CASKIN1: variants seen among roughly 807,000 people sequenced by gnomAD.
CASKIN1 encodes CASK interacting protein 1.
CASKIN1 carries 42 observed loss-of-function variants against 117.5 expected under a neutral mutation model. The observed-to-expected ratio is 0.36, with a 90% CI of 0.28 to 0.46. CASKIN1 has a LOEUF of 0.46. CASKIN1 is among the 20% of genes least tolerant of loss of function. The pLI, the probability that CASKIN1 is intolerant of heterozygous loss-of-function variation, is 1.00. For missense variants in CASKIN1, 2,083 were observed against 2,077.3 expected (o/e 1.00, Z -0.05); for synonymous variants, 1,148 against 961.7 (o/e 1.19, Z -3.59).
rs780225251 is a variant in CASKIN1 at position 2,180,653 on chromosome 16, G to C, written c.2715C>G (p.Gly905=). The C allele has an allele frequency of 4.6e-6, 7 of 1,529,250 alleles. No individual in the cohort carries two copies. Among genetic ancestry groups the C allele is most frequent in the Non-Finnish European group, 6.1e-6 (7 of 1,143,624 alleles). The allele number at this position is 1,529,250 out of a possible 1,614,324, so 94.7% of individuals were successfully genotyped here. A position where few individuals can be genotyped will look rare whatever the true frequency, so the allele number is the denominator to read the frequency against. The part of the protein sequence containing the change: ...RDELLVPAAA[G]PYATVQRRVG... ...CGCGCCGCTGGACCGTGGCATAGGG[G>C]CCGGCAGCCGCAGGCACCAGCAGCT... Residue 905 remains glycine, a synonymous_variant, in exon 18 of 20, where the codon GGC becomes GGG. Coordinates refer to ENST00000343516, the MANE Select transcript of CASKIN1 (RefSeq NM_020764.4).
intron 10 of CASKIN1, among the ~76,000 whole-genome samples, chr16:2,185,614 C>A (rs1030548131): frequency 3.9e-5 from 6 of 152,262 alleles, no homozygotes; most frequent in African/African-American, 1.4e-4. Flanking sequence ...GCCTAGGCAT[C>A]CTGCCGGTGG....
At position 2,177,192 on chromosome 16, in the gene CASKIN1, T is replaced by G; in HGVS notation, c.*1358A>C. 8.1e-6 allele frequency: 2 copies of G among 246,240 alleles called. No individual in the cohort carries two copies. The highest frequency in any genetic ancestry group is 1.6e-5 in the Non-Finnish European group (2 of 124,276). 15.3% of individuals were successfully genotyped at this position (246,240 alleles called of 1,614,324 possible). A position where few individuals can be genotyped will look rare whatever the true frequency, so the allele number is the denominator to read the frequency against. On this transcript the variant is annotated 3_prime_UTR_variant, in exon 20 of 20. Coordinates refer to ENST00000343516, the MANE Select transcript of CASKIN1 (RefSeq NM_020764.4). The stretch of plus-strand genomic sequence containing the variant: ...TGAGCCAGGCACCTCTGTTTCCTGC[T>G]GTTTATTGACAGCCGACGGCAGCGC...
Position 2,178,598 on chromosome 16 carries a change from G to T in CASKIN1, c.4248C>A (p.Gly1416=), listed in dbSNP as rs755958401. 41 of 1,597,990 alleles carry T rather than the reference G, an allele frequency of 2.6e-5. No homozygotes were observed. The highest frequency in any genetic ancestry group is 3.3e-5 in the Non-Finnish European group (39 of 1,176,412). Residue 1416 remains glycine (G), a synonymous_variant, in exon 20 of 20, where the codon GGC becomes GGA. Transcript: ENST00000343516. ...KSTGSILDDI[G]SMFDDLADQL... ...GGTCGGCCAGGTCGTCGAACATGCT[G>T]CCGATGTCGTCCAGGATGCTGCCAG...
rs1242883030 is a variant in CASKIN1, at chr16:2,180,768, G to C, written c.2600C>G (p.Pro867Arg). ...PTAVPTLCLP[P>R]EADAEPGRPK... is the part of the protein sequence containing the mutation. ...CCGCCCCGGCTCCGCGTCGGCCTCAGGGGGCAGGCACAGTGTGGGCACAGC... is the reference window on the plus strand; with the variant it reads ...CCGCCCCGGCTCCGCGTCGGCCTCACGGGGCAGGCACAGTGTGGGCACAGC... The change falls in exon 18 of 20, where the codon CCT becomes CGT. Residue 867 changes from proline to arginine, a missense_variant. Physicochemically the swap from Pro to Arg is moderately radical, Grantham distance 103. Transcript: ENST00000343516. 3 of 1,434,088 alleles carry C rather than the reference G, an allele frequency of 2.1e-6. No individual in the cohort carries two copies. Among genetic ancestry groups the C allele is most frequent in the South Asian group, 1.5e-5 (1 of 67,780 alleles). 88.8% of individuals were successfully genotyped at this position (1,434,088 alleles called of 1,614,324 possible). A position where few individuals can be genotyped will look rare whatever the true frequency, so the allele number is the denominator to read the frequency against.
chr16:2,189,610 CA>C, intron 3 of CASKIN1, 46 bp from the exon 4 acceptor site: 3 of 1,550,164 alleles, frequency 1.9e-6, no homozygotes, highest in Middle Eastern at 2.2e-4. Flanking sequence ...ACCCCAAACC[CA>C]ACCCTGGAGG....
At position 2,185,387 on chromosome 16, in the gene CASKIN1, G is replaced by C. The variant is rs777408939; in HGVS notation, c.1070C>G (p.Pro357Arg). The change falls in exon 11 of 20, where the codon CCA becomes CGA. Residue 357 changes from proline (P) to arginine (R), a missense_variant. Pro to Arg is a moderately radical substitution (Grantham distance 103). Transcript: ENST00000343516. ...KRAGSRAGTE[P>R]SLPQGSSSSG... The stretch of plus-strand genomic sequence containing the variant: ...TGAGCTGCTTCCCTGGGGCAGGCTT[G>C]GTTCAGTGCCTGCTCGGGAACCTGT... 2 of 1,610,472 alleles carry C rather than the reference G, an allele frequency of 1.2e-6. No individual in the cohort carries two copies. Among genetic ancestry groups the C allele is most frequent in the African/African-American group, 1.3e-5 (1 of 74,906 alleles).
rs755146964 is a variant in CASKIN1 at position 2,184,984 on chromosome 16, C to T, written c.1291G>A (p.Asp431Asn). ...QKSVSESGPG[D>N]SPAKPPEGSA... ...CCTTCCGGAGGCTTGGCGGGGCTGT[C>T]CCCCGGGCCGGACTCAGAGACGGAC... The change falls in exon 13 of 20, where the codon GAC becomes AAC. Residue 431 changes from aspartate (D) to asparagine (N), a missense_variant. Physicochemically the swap from Asp to Asn is conservative, Grantham distance 23. Around this residue, in one of 3 missense-constraint regions of CASKIN1, gnomAD observed 1,818 missense variants for 1,688.9 expected, o/e 1.08. Transcript: ENST00000343516. The T allele has an allele frequency of 1.3e-5, 21 of 1,607,548 alleles. No homozygotes were observed. Among genetic ancestry groups the T allele is most frequent in the Middle Eastern group, 1.6e-4 (1 of 6,066 alleles).
chr16:2,194,371 C>T (rs776069142), intron 1 of CASKIN1, among the ~76,000 whole-genome samples: 17 of 152,110 alleles, frequency 1.1e-4, no homozygotes, highest in Non-Finnish European at 2.1e-4. Flanking sequence ...TGTGTGCGTG[C>T]GGGCACGGGA....
At position 2,189,310 on chromosome 16, in the gene CASKIN1, C is replaced by G. The variant is rs757562107; in HGVS notation, c.414G>C (p.Gln138His). 1 of 1,613,214 alleles carries G rather than the reference C, an allele frequency of 6.2e-7. No homozygotes were observed. The highest frequency in any genetic ancestry group is 8.5e-7 in the Non-Finnish European group (1 of 1,179,914). ...AGTTGTCCACCATGCACGGGTTAGA[C>G]TGGTGCTGTAGCAGCATCTCAGACT... ...YDVSEMLLQH[Q>H]SNPCMVDNSG... Residue 138 changes from glutamine (Q) to histidine (H), a missense_variant, in exon 5 of 20, where the codon CAG becomes CAC. Physicochemically the swap from Gln to His is conservative, Grantham distance 24. Around this residue, in one of 3 missense-constraint regions of CASKIN1, gnomAD observed 203 missense variants for 338.7 expected, o/e 0.60. Transcript: ENST00000343516.
rs1275647454 is a variant in CASKIN1, at chr16:2,178,971, C to T, written c.4130G>A (p.Ser1377Asn). The change falls in exon 19 of 20, where the codon AGC (serine) becomes AAC (asparagine). Residue 1377 changes from serine (S) to asparagine (N), a missense_variant. By Grantham distance (46) the Ser-to-Asn change is conservative. Around this residue, in one of 3 missense-constraint regions of CASKIN1, gnomAD observed 1,818 missense variants for 1,688.9 expected, o/e 1.08. Coordinates refer to ENST00000343516, the MANE Select transcript of CASKIN1 (RefSeq NM_020764.4). Reference sequence around the variant, plus strand: ...CTGCAGCGCCGCGGCCAGGCACGCGCTTGTCTCCTCCAGTTTCTGCCGGGC... The same window carrying T: ...CTGCAGCGCCGCGGCCAGGCACGCGTTTGTCTCCTCCAGTTTCTGCCGGGC... ...DSARQKLEETSACLAAALQAV... is the reference protein window; with the variant it reads ...DSARQKLEETNACLAAALQAV... 6.8e-7 allele frequency: 1 copy of T among 1,462,486 alleles called. No homozygotes were observed. Among genetic ancestry groups the T allele is most frequent in the Non-Finnish European group, 9.0e-7 (1 of 1,114,702 alleles). 90.6% of individuals were successfully genotyped at this position (1,462,486 alleles called of 1,614,324 possible).
chr16:2,189,112 C>G lies in CASKIN1; in HGVS notation c.532G>C (p.Glu178Gln), dbSNP rs755383221. Residue 178 changes from glutamate to glutamine, a missense_variant, in exon 6 of 20, where the codon GAG becomes CAG. Physicochemically the swap from Glu to Gln is conservative, Grantham distance 29. Coordinates refer to ENST00000343516, the MANE Select transcript of CASKIN1 (RefSeq NM_020764.4). Reference sequence around the variant, plus strand: ...TCGGTGGCGTCTCCCGGCCGGGGCTCCAGCAGCGCCGCACACATATTGCTG... The same window carrying G: ...TCGGTGGCGTCTCCCGGCCGGGGCTGCAGCAGCGCCGCACACATATTGCTG... ...LSSNMCAALL[E>Q]PRPGDATDPN... The G allele has an allele frequency of 7.1e-5, 114 of 1,613,366 alleles. No individual in the cohort carries two copies. Among genetic ancestry groups the G allele is most frequent in the Non-Finnish European group, 9.5e-5 (112 of 1,179,808 alleles).
chr16:2,185,554 A>T, intron 10 of CASKIN1, 146 bp from the exon 11 acceptor site: 1 of 634,824 alleles, frequency 1.6e-6, no homozygotes, highest in Non-Finnish European at 2.7e-6. Context: ...CCCTCGGAAG[A>T]CCCCTCCCAC....
rs767090918 is a variant in CASKIN1, at chr16:2,181,267, G to A, written c.2101C>T (p.Arg701Trp). The A allele has an allele frequency of 1.1e-4, 177 of 1,600,522 alleles. No homozygotes were observed. The highest frequency in any genetic ancestry group is 1.4e-4 in the Non-Finnish European group (163 of 1,178,770). Residue 701 changes from arginine to tryptophan, a missense_variant, in exon 18 of 20, where the codon CGG becomes TGG. Transcript: ENST00000343516. ...RQDSSLGGRA[R>W]HMSSSQELLG... ...AGCTCCTGCGAGCTGCTCATGTGCC[G>A]TGCCCGACCACCCAGGCTGGAGTCC...
At chr16:2,185,715 A>C (rs974497415) in intron 10 of CASKIN1, among the ~76,000 whole-genome samples, 29 of 152,202 alleles carry the variant, frequency 1.9e-4, no homozygotes, top group African/African-American at 7.0e-4. Context: ...GAAGCCCCCC[A>C]CAAGCTAGAG....
chr16:2,191,199 G>A (rs1283040828), intron 1 of CASKIN1, among the ~76,000 whole-genome samples: 1 of 152,232 alleles, frequency 6.6e-6, no homozygotes, highest in Non-Finnish European at 1.5e-5. Flanking sequence ...GGAGCTGGCA[G>A]GACAGAAGCC....
Position 2,183,677 on chromosome 16 carries a change from C to T in CASKIN1, c.1598G>A (p.Ser533Asn). Residue 533 changes from serine to asparagine, a missense_variant, in exon 16 of 20, where the codon AGC becomes AAC. Physicochemically the swap from Ser to Asn is conservative, Grantham distance 46 (BLOSUM62 1). This residue lies in a region of CASKIN1 where 1,818 missense variants were observed against 1,688.9 expected (regional missense o/e 1.08). Coordinates refer to ENST00000343516, the MANE Select transcript of CASKIN1 (RefSeq NM_020764.4). Reference sequence around the variant, plus strand: ...GTGCTCAGGCAGCCAGTCAGGGATGCTTAGGCCGCTGATCTCTGCCGCGAT... The same window carrying T: ...GTGCTCAGGCAGCCAGTCAGGGATGTTTAGGCCGCTGATCTCTGCCGCGAT... ...KKIAAEISGL[S>N]IPDWLPEHKP... 1 of 1,613,356 alleles carries T rather than the reference C, an allele frequency of 6.2e-7. No individual in the cohort carries two copies. Among genetic ancestry groups the T allele is most frequent in the Non-Finnish European group, 8.5e-7 (1 of 1,179,972 alleles).
rs2093175099 is a variant in CASKIN1 at position 2,183,734 on chromosome 16, A to G, written c.1541T>C (p.Ile514Thr). ...CCGGTGGCCCGGCTTGGTGACACCA[A>G]TGGCCGTGAGGTCCTAGGCAGTGGG... ...SRMTPEDLTAIGVTKPGHRKK... is the reference protein window; with the variant it reads ...SRMTPEDLTATGVTKPGHRKK... The change falls in exon 16 of 20, where the codon ATT becomes ACT. Residue 514 changes from isoleucine (I) to threonine (T), a missense_variant. Transcript: ENST00000343516. The G allele has an allele frequency of 1.2e-6, 2 of 1,613,228 alleles. No individual in the cohort carries two copies. The highest frequency in any genetic ancestry group is 1.7e-6 in the Non-Finnish European group (2 of 1,179,986).
rs190982884 is a variant in CASKIN1, at chr16:2,180,527, C to T, written c.2841G>A (p.Pro947=). 2,850 of 1,545,624 alleles carry T rather than the reference C, an allele frequency of 1.8e-3. 41 individuals are homozygous for T. In the African/African-American group the frequency reaches 0.033, roughly 18 times the overall value. Residue 947 remains proline, a synonymous_variant, in exon 18 of 20, where the codon CCG becomes CCA. Transcript: ENST00000343516. ...AVRPRKKGPP[P]PPPKRSSSAL... The stretch of plus-strand genomic sequence containing the variant: ...CCGAGCTGGAGCGCTTGGGTGGGGG[C>T]GGCGGGGGCCCCTTCTTTCGGGGCC...
Position 2,196,479 on chromosome 16 carries a change from G to C in CASKIN1, c.-47C>G. On this transcript the variant is annotated 5_prime_UTR_variant, in exon 1 of 20. Coordinates refer to ENST00000343516, the MANE Select transcript of CASKIN1 (RefSeq NM_020764.4). The surrounding 1 kb of genome is among the most constrained non-coding windows in gnomAD (Gnocchi z 5.7). ...ACGCGGCTGCGCTCGTGAGCTCGGC[G>C]CGGCTCAGAGGCGGCGGCGGCCCCG... The C allele has an allele frequency of 2.0e-6, 2 of 993,670 alleles. No homozygotes were observed. Among genetic ancestry groups the C allele is most frequent in the Non-Finnish European group, 2.4e-6 (2 of 816,434 alleles). The allele number at this position is 993,670 out of a possible 1,614,324, so 61.6% of individuals were successfully genotyped here.
Sources: gnomAD v4.1 joint callset for allele counts (sites outside exome capture counted in the v4.1 genomes callset) on GRCh38, gnomAD v4.1.1 for gene constraint, gnomAD v4.1.1 regional missense constraint, Gnocchi (gnomAD v3.1) non-coding constraint, MANE v1.5 for transcripts, NCBI Gene and HGNC (gene_info 2026-07-23, HGNC 2026-07-21) for gene names.